YBX3: variants seen among roughly 807,000 people sequenced by gnomAD.
YBX3 encodes the protein Y-box-binding protein 3.
A neutral mutation model predicts 42.4 loss-of-function variants in YBX3; 29 were observed. That is an observed-to-expected ratio of 0.68 (90% CI 0.51 to 0.93). The LOEUF (loss-of-function observed/expected upper bound fraction) is 0.93. Among genes scored for constraint, YBX3 ranks in the 40% least tolerant of loss-of-function variants. The probability of loss-of-function intolerance (pLI) is 0.00; values close to 1 mark genes in which losing one functional copy is unlikely to be tolerated. For synonymous variants in YBX3, 195 were observed against 189.8 expected, an observed-to-expected ratio of 1.03 and a Z score of -0.22; for missense variants, 517 against 527.5, an observed-to-expected ratio of 0.98 and a Z score of 0.19.
Position 10,713,348 on chromosome 12 carries a change from A to G in YBX3, c.451-15T>C, listed in dbSNP as rs747804588. 7 of 1,609,812 alleles carry G rather than the reference A, an allele frequency of 4.3e-6. No individual in the cohort carries two copies. In the Admixed American group the frequency reaches 1.2e-4, roughly 27 times the overall value. ...GCTTCTGCACCCTGAGAAGAAAATA[A>G]AAAGATGGCCTCAAAATTAAAAAGA... On this transcript the variant is annotated splice_polypyrimidine_tract_variant and intron_variant, in intron 4 of 9. Coordinates refer to ENST00000228251, the MANE Select transcript of YBX3 (RefSeq NM_003651.5).
intron 3 of YBX3, among the ~76,000 whole-genome samples, chr12:10,717,316 C>T (rs1948273844): frequency 6.6e-6 from 1 of 152,202 alleles, no homozygotes; most frequent in South Asian, 2.1e-4. Context: ...CTCTATCTTC[C>T]TTATTGTTAT....
chr12:10,704,045 A>C lies in YBX3; in HGVS notation c.878+6T>G, dbSNP rs1385313805. The C allele has an allele frequency of 1.2e-6, 2 of 1,614,106 alleles. No individual in the cohort carries two copies. Among genetic ancestry groups the C allele is most frequent in the African/African-American group, 1.3e-5 (1 of 75,022 alleles). The stretch of plus-strand genomic sequence containing the variant: ...TAACTGGCCATTAGTGGAAAATGCG[A>C]CATACCTACGGTACCTTGGGCGGTA... On this transcript the variant is annotated splice_donor_region_variant and intron_variant, in intron 7 of 9. Transcript: ENST00000228251.
chr12:10,714,767 T>C (rs928283830), intron 4 of YBX3, among the ~76,000 whole-genome samples: 9 of 152,054 alleles, frequency 5.9e-5, no homozygotes, highest in Admixed American at 1.3e-4. Context: ...CTTTTCTTTT[T>C]TTTTTTTTAA....
intron 3 of YBX3, among the ~76,000 whole-genome samples, chr12:10,717,121 T>G (rs913677834): frequency 2.0e-5 from 3 of 152,166 alleles, no homozygotes; most frequent in Non-Finnish European, 4.4e-5. Context: ...TAAATGCAAC[T>G]GAGATATATC....
At chr12:10,704,227 T>G in intron 6 of YBX3, 79 bp from the exon 7 acceptor site, 2 of 1,250,994 alleles carry the variant, frequency 1.6e-6, no homozygotes, top group South Asian at 1.4e-5. Context: ...TGTTCAGAAT[T>G]TTTTTTAGAA....
At chr12:10,709,694 T>C (rs1169203361) in intron 6 of YBX3, among the ~76,000 whole-genome samples, 1 of 152,224 alleles carries the variant, frequency 6.6e-6, no homozygotes, top group Non-Finnish European at 1.5e-5. Context: ...GGGTTCCCTA[T>C]TATAGGCATG....
At chr12:10,705,443 T>C (rs1297948489) in intron 6 of YBX3, among the ~76,000 whole-genome samples, 3 of 152,222 alleles carry the variant, frequency 2.0e-5, no homozygotes, top group Non-Finnish European at 2.9e-5. Context: ...TTTTGTAAAA[T>C]ATCCCTCAAC....
intron 6 of YBX3, among the ~76,000 whole-genome samples, chr12:10,706,598 A>G (rs1417158131): frequency 6.6e-6 from 1 of 152,186 alleles, no homozygotes; most frequent in East Asian, 1.9e-4. Flanking sequence ...TTGCTAGACA[A>G]TCCTCATCTT....
chr12:10,715,560 C>A lies in YBX3; in HGVS notation c.450+134G>T, dbSNP rs1216516641. ...CCCCATCTTAAAAAAAAAAAAAATT[C>A]TGTTTAAAAGTCACTTCCTGCTATT... On this transcript the variant is annotated intron_variant, in intron 4 of 9. Transcript: ENST00000228251. The A allele has an allele frequency of 7.7e-6, 6 of 784,192 alleles. No individual in the cohort carries two copies. The East Asian group carries it at 8.2e-5, about 11-fold the overall frequency. 48.6% of individuals were successfully genotyped at this position (784,192 alleles called of 1,614,324 possible).
intron 1 of YBX3, chr12:10,721,068 C>T (rs1948319195): frequency 6.6e-6 from 1 of 152,210 alleles, no homozygotes; most frequent in South Asian, 2.1e-4. Context: ...TTTGCAAATA[C>T]TAGAACATAT....
rs756213300 is a variant in YBX3, at chr12:10,713,274, G to GT, written c.509dup (p.Tyr170Ter). Residue 170 changes from tyrosine (Y) to a stop codon, truncating the protein, a stop_gained and frameshift_variant, in exon 5 of 10, where the codon TAC becomes TAAC. Transcript: ENST00000228251. LOFTEE classifies it high-confidence loss of function. ...PDGVPVEGSRYAADRRRYRRG... is the reference protein window; with the variant it reads ...PDGVPVEGSR ...GTCTGTAACGGCGCCGATCTGCAGCGTAACGACTCCCTTCCACAGGAACTC... is the reference window on the plus strand; with the variant it reads ...GTCTGTAACGGCGCCGATCTGCAGCGTTAACGACTCCCTTCCACAGGAACTC... 26 of 1,613,868 alleles carry GT rather than the reference G, an allele frequency of 1.6e-5. No individual in the cohort carries two copies. Among genetic ancestry groups the GT allele is most frequent in the Non-Finnish European group, 2.0e-5 (24 of 1,180,034 alleles).
rs182510736 is a variant in YBX3, at chr12:10,710,015, G to T, written c.673C>A (p.Arg225Ser). 1.2e-6 allele frequency: 2 copies of T among 1,613,988 alleles called. No homozygotes were observed. Among genetic ancestry groups the T allele is most frequent in the Non-Finnish European group, 1.7e-6 (2 of 1,179,992 alleles). The change falls in exon 6 of 10, where the codon CGC (arginine) becomes AGC (serine). Residue 225 changes from arginine (R) to serine (S), a missense_variant. Arg to Ser is a moderately radical substitution (Grantham distance 110, BLOSUM62 -1). Around this residue, in one of 3 missense-constraint regions of YBX3, gnomAD observed 420 missense variants for 408.5 expected, o/e 1.03. Transcript: ENST00000228251. ...CGGTACTGAGGGCGATACTGGGGGC[G>T]GCGCAGCTGATTCCGGGCCCCAGAG... is the stretch of plus-strand genomic sequence containing the variant. ...QFSGARNQLR[R>S]PQYRPQYRQR...
Position 10,704,154 on chromosome 12 carries a change from G to A in YBX3, c.781-6C>T. On this transcript the variant is annotated splice_region_variant and splice_polypyrimidine_tract_variant and intron_variant, in intron 6 of 9. Coordinates refer to ENST00000228251, the MANE Select transcript of YBX3 (RefSeq NM_003651.5). Reference sequence around the variant, plus strand: ...ATCTCTCCAATCTCACCAGCCTGGAGAGGCAATGAGAGCTGACAGTGAGTG... The same window carrying A: ...ATCTCTCCAATCTCACCAGCCTGGAAAGGCAATGAGAGCTGACAGTGAGTG... The A allele has an allele frequency of 3.7e-6, 6 of 1,612,478 alleles. No individual in the cohort carries two copies. Among genetic ancestry groups the A allele is most frequent in the Non-Finnish European group, 5.1e-6 (6 of 1,178,480 alleles).
Position 10,722,743 on chromosome 12 carries a change from C to A in YBX3, c.262+107G>T, listed in dbSNP as rs899770492. On this transcript the variant is annotated intron_variant, in intron 1 of 9. Transcript: ENST00000228251. ...ATCCCTGGGGACCCTGTGCTGTCAG[C>A]GTCTCCAGCCCGGGTGGGAGATGTA... The A allele has an allele frequency of 2.9e-6, 3 of 1,033,012 alleles. No homozygotes were observed. In the African/African-American group the frequency reaches 5.0e-5, roughly 17 times the overall value. 64.0% of individuals were successfully genotyped at this position (1,033,012 alleles called of 1,614,324 possible). A position where few individuals can be genotyped will look rare whatever the true frequency, so the allele number is the denominator to read the frequency against.
chr12:10,700,360 ATT>A, intron 9 of YBX3, among the ~76,000 whole-genome samples: 1 of 152,290 alleles, frequency 6.6e-6, no homozygotes, highest in East Asian at 1.9e-4. Context: ...GAAAAATAGC[ATT>A]GACACTGAGT....
At chr12:10,706,570 G>A (rs975520489) in intron 6 of YBX3, among the ~76,000 whole-genome samples, 10 of 152,180 alleles carry the variant, frequency 6.6e-5, no homozygotes, top group Admixed American at 5.2e-4. Context: ...CTCCTTGGCT[G>A]CTCCTTCTCA....
intron 7 of YBX3, 112 bp downstream of exon 7, chr12:10,703,938 CA>C: frequency 1.0e-6 from 1 of 974,460 alleles, no homozygotes; most frequent in Middle Eastern, 2.1e-4. Context: ...GTAGTCAAAG[CA>C]TTCACATCTT....
At chr12:10,708,398 C>G (rs1948161502) in intron 6 of YBX3, among the ~76,000 whole-genome samples, 1 of 151,690 alleles carries the variant, frequency 6.6e-6, no homozygotes, top group Non-Finnish European at 1.5e-5. Context: ...TATATTTGAT[C>G]TCAATAATTT....
intron 5 of YBX3, chr12:10,711,044 T>C (rs1370578913): frequency 6.5e-6 from 1 of 152,758 alleles, no homozygotes; most frequent in Non-Finnish European, 1.5e-5. Flanking sequence ...TTTATATGTT[T>C]AGGAGTAAAG....
Sources: gnomAD v4.1 joint callset for allele counts (sites outside exome capture counted in the v4.1 genomes callset) on GRCh38, gnomAD v4.1.1 for gene constraint, gnomAD v4.1.1 regional missense constraint, MANE v1.5 for transcripts, NCBI Gene and HGNC (gene_info 2026-07-23, HGNC 2026-07-21) for gene names.